PRKCZ: variants seen among roughly 807,000 people sequenced by gnomAD.
PRKCZ encodes protein kinase C zeta type.
In PRKCZ, 33 loss-of-function variants were observed where a neutral mutation model predicts 79.5. That is an observed-to-expected ratio of 0.41 (90% CI 0.31 to 0.55). PRKCZ has a LOEUF of 0.55. Ranked by LOEUF, PRKCZ falls within the 20% of genes least tolerant of loss-of-function variation. The probability of loss-of-function intolerance (pLI) is 0.19; values close to 1 mark genes in which losing one functional copy is unlikely to be tolerated. For synonymous variants in PRKCZ, 342 were observed against 320.9 expected, an observed-to-expected ratio of 1.07 and a Z score of -0.70; for missense variants, 578 against 813.5, an observed-to-expected ratio of 0.71 and a Z score of 3.52.
intron 4 of PRKCZ, among the ~76,000 whole-genome samples, chr1:2,060,814 CAG>C (rs1225363103): frequency 2.0e-5 from 3 of 152,100 alleles, no homozygotes; most frequent in Non-Finnish European, 2.9e-5. Context: ...TGTGAGGAGG[CAG>C]GGGGCGGGGA....
intron 4 of PRKCZ, among the ~76,000 whole-genome samples, chr1:2,096,281 G>A (rs938182711): frequency 2.0e-5 from 3 of 151,930 alleles, no homozygotes; most frequent in Admixed American, 6.6e-5. Context: ...CAGCATGATC[G>A]GTCCCTGAGT....
intron 4 of PRKCZ, among the ~76,000 whole-genome samples, chr1:2,130,637 C>T (rs1557641550): frequency 2.0e-5 from 3 of 152,170 alleles, no homozygotes; most frequent in Middle Eastern, 3.4e-3. Context: ...GCCACAGCCG[C>T]AGCACTGCTG....
rs545558316 is a variant in PRKCZ, at chr1:2,093,587, C to A, written c.334+33996C>A. Among the ~76,000 whole-genome samples the A allele has an allele frequency of 1.6e-4, 24 of 152,238 alleles. No individual in the cohort carries two copies. The South Asian group carries it at 4.1e-3, about 26-fold the overall frequency. On this transcript the variant is annotated intron_variant, in intron 4 of 17. Coordinates refer to ENST00000378567, the MANE Select transcript of PRKCZ (RefSeq NM_002744.6). ...AGGTCCTGGTGACAGTCACTGCTCG[C>A]TGCAGTGGCTGGTGCCCTCCTCAAA...
At chr1:2,132,838 C>T (rs1303751220) in intron 4 of PRKCZ, among the ~76,000 whole-genome samples, 6 of 152,220 alleles carry the variant, frequency 3.9e-5, no homozygotes, top group African/African-American at 1.4e-4. Context: ...GGGTCAGCCC[C>T]CGCCTGGACC....
intron 4 of PRKCZ, among the ~76,000 whole-genome samples, chr1:2,132,528 G>T (rs1675198531): frequency 6.6e-6 from 1 of 152,216 alleles, no homozygotes; most frequent in African/African-American, 2.4e-5. Context: ...TGCCGACCCC[G>T]CAGTGTAGGA....
chr1:2,151,930 C>T (rs1679982706), intron 9 of PRKCZ, among the ~76,000 whole-genome samples: 1 of 152,116 alleles, frequency 6.6e-6, no homozygotes, highest in African/African-American at 2.4e-5. Flanking sequence ...CTCCTGCAGC[C>T]TCCACCTCCT....
In PRKCZ at chr1:2,075,805, G is replaced by T. The variant is rs1301105478; in HGVS notation, c.334+16214G>T. On this transcript the variant is annotated intron_variant, in intron 4 of 17. Coordinates refer to ENST00000378567, the MANE Select transcript of PRKCZ (RefSeq NM_002744.6). The surrounding 1 kb of genome is among the most constrained non-coding windows in gnomAD (Gnocchi z 4.8). ...GGTCTGGTGGGGACCTGCCAGGGCT[G>T]TCAATGGCCCCAGTGGAGAGGCCCA... Among the ~76,000 whole-genome samples the T allele has an allele frequency of 6.6e-6, 1 of 152,264 alleles. No homozygotes were observed. The highest frequency in any genetic ancestry group is 2.4e-5 in the African/African-American group (1 of 41,468).
At chr1:2,104,836 G>A (rs957532709) in intron 4 of PRKCZ, 29 of 985,714 alleles carry the variant, frequency 2.9e-5, no homozygotes, top group Non-Finnish European at 3.1e-5. Context: ...CGGGTGTTGC[G>A]GTGTGAGCGG....
rs1684704876 is a variant in PRKCZ, at chr1:2,172,871, CGT to C, written c.1285+489_1285+490del. Among the ~76,000 whole-genome samples the C allele has an allele frequency of 6.6e-6, 1 of 152,166 alleles. No individual in the cohort carries two copies. Among genetic ancestry groups the C allele is most frequent in the Admixed American group, 6.5e-5 (1 of 15,278 alleles). ...GGGGACATGGGCACGCGTGTGCAGCCGTGTGTGCGTGTGTGAAACGGGGACGT... is the reference window on the plus strand; with the variant it reads ...GGGGACATGGGCACGCGTGTGCAGCCGTGTGCGTGTGTGAAACGGGGACGT... On this transcript the variant is annotated intron_variant, in intron 13 of 17. Coordinates refer to ENST00000378567, the MANE Select transcript of PRKCZ (RefSeq NM_002744.6). This position sits in a 1 kb window ranked among gnomAD's most constrained non-coding sequence, Gnocchi z 7.8.
intron 4 of PRKCZ, among the ~76,000 whole-genome samples, chr1:2,130,327 G>A (rs1226062931): frequency 6.6e-6 from 1 of 152,222 alleles, no homozygotes; most frequent in East Asian, 1.9e-4. Context: ...ATTTCACTGA[G>A]GCAAGACCCA....
At chr1:2,066,093 A>G (rs962715129) in intron 4 of PRKCZ, among the ~76,000 whole-genome samples, 1 of 152,194 alleles carries the variant, frequency 6.6e-6, no homozygotes, top group African/African-American at 2.4e-5. Context: ...GTGTTTATAA[A>G]GGACAATTAC....
At chr1:2,095,953 A>C (rs1434503520) in intron 4 of PRKCZ, among the ~76,000 whole-genome samples, 9 of 86,564 alleles carry the variant, frequency 1.0e-4, no homozygotes, top group East Asian at 3.6e-4. Flanking sequence ...CCCTCCCCTC[A>C]CCTGTTTGAC....
At chr1:2,156,482 G>A (rs1464594405) in intron 10 of PRKCZ, 4 of 211,882 alleles carry the variant, frequency 1.9e-5, no homozygotes, top group Non-Finnish European at 3.9e-5. Flanking sequence ...GATGATCTAG[G>A]ATATTAAATG....
rs143732365 is a variant in PRKCZ at position 2,184,918 on chromosome 1, A to C, written c.1692-4A>C. 1.2e-6 allele frequency: 2 copies of C among 1,612,698 alleles called. No individual in the cohort carries two copies. The highest frequency in any genetic ancestry group is 1.7e-6 in the Non-Finnish European group (2 of 1,179,074). On this transcript the variant is annotated splice_region_variant and splice_polypyrimidine_tract_variant and intron_variant, in intron 17 of 17. Coordinates refer to ENST00000378567, the MANE Select transcript of PRKCZ (RefSeq NM_002744.6). ...CCCCTCCCCCCTGCCACCTTTGCCC[A>C]CAGGGATGCCATAAAGAGGATCGAC...
chr1:2,094,206 C>T lies in PRKCZ; in HGVS notation c.334+34615C>T, dbSNP rs1010546638. 6.6e-6 allele frequency among the ~76,000 whole-genome samples: 1 copy of T among 152,130 alleles called. No homozygotes were observed. The highest frequency in any genetic ancestry group is 1.5e-5 in the Non-Finnish European group (1 of 68,026). ...CCCCCCCACTTCCACCTGTCTTGGA[C>T]GGGAGCTGGAAGGGACGTGGTTCCA... On this transcript the variant is annotated intron_variant, in intron 4 of 17. Transcript: ENST00000378567. This position sits in a 1 kb window ranked among gnomAD's most constrained non-coding sequence, Gnocchi z 7.3.
At chr1:2,058,445 T>A (rs149137053) in intron 3 of PRKCZ, among the ~76,000 whole-genome samples, 374 of 152,036 alleles carry the variant, frequency 2.5e-3, no homozygotes, top group African/African-American at 8.7e-3. Context: ...TCCACTGCAC[T>A]CTAGCCTGAG....
At chr1:2,118,713 CTGTGTGTGTGTGTGTGTGTG>C (rs770283606) in intron 4 of PRKCZ, among the ~76,000 whole-genome samples, 73 of 120,626 alleles carry the variant, frequency 6.1e-4, no homozygotes, top group Non-Finnish European at 9.8e-4. Flanking sequence ...CACACCAGCT[CTGTGTGTGTGTGTGTGTGTG>C]TGTGTGTGTG....
At chr1:2,086,052 ATCCTTTTTTTTTTTTTTTTTT>A in intron 4 of PRKCZ, among the ~76,000 whole-genome samples, 1 of 129,404 alleles carries the variant, frequency 7.7e-6, no homozygotes, top group Non-Finnish European at 1.6e-5. Flanking sequence ...GTTTATTATC[ATCCTTTTTTTTTTTTTTTTTT>A]TAAATTGAGA....
intron 4 of PRKCZ, among the ~76,000 whole-genome samples, chr1:2,091,671 C>T (rs1401109610): frequency 1.3e-5 from 2 of 152,172 alleles, no homozygotes; most frequent in East Asian, 1.9e-4. Context: ...AACGTCTGCA[C>T]AGGTCCTTTG....
Sources: gnomAD v4.1 joint callset for allele counts (sites outside exome capture counted in the v4.1 genomes callset) on GRCh38, gnomAD v4.1.1 for gene constraint, Gnocchi (gnomAD v3.1) non-coding constraint, MANE v1.5 for transcripts, NCBI Gene and HGNC (gene_info 2026-07-23, HGNC 2026-07-21) for gene names.